PHF14: variants seen among roughly 807,000 people sequenced by gnomAD.
The protein encoded by PHF14 is PHD finger protein 14.
PHF14 carries 55 observed loss-of-function variants against 117.9 expected under a neutral mutation model. The ratio of observed to expected loss-of-function variants is 0.47; its 90% CI spans 0.38 to 0.58. The LOEUF (loss-of-function observed/expected upper bound fraction) is 0.58, where lower values mean the gene tolerates loss of function less well. Ranked by LOEUF, PHF14 falls within the 20% of genes least tolerant of loss-of-function variation. The probability of loss-of-function intolerance (pLI) is 0.00; values close to 1 mark genes in which losing one functional copy is unlikely to be tolerated. For synonymous variants in PHF14, 409 were observed against 368.6 expected (o/e 1.11, Z -1.26); for missense variants, 978 against 1,122.2 (o/e 0.87, Z 1.84).
rs1428369268 is a variant in PHF14, at chr7:11,130,161, G to A, written c.2772+18694G>A. ...TTCAACATATGTGGTCCACAGCATA[G>A]TAGCAGGAAATACCACAAATGTCAC... On this transcript the variant is annotated intron_variant, in intron 17 of 17. Coordinates refer to ENST00000634607, the MANE Select transcript of PHF14 (RefSeq NM_001007157.2). This position sits in a 1 kb window ranked among gnomAD's most constrained non-coding sequence, Gnocchi z 4.2. Among the ~76,000 whole-genome samples, 1 of 152,004 alleles carries A rather than the reference G, an allele frequency of 6.6e-6. No homozygotes were observed. The highest frequency in any genetic ancestry group is 2.4e-5 in the African/African-American group (1 of 41,402).
chr7:11,164,003 A>C (rs547181761), intron 17 of PHF14, among the ~76,000 whole-genome samples: 29 of 152,328 alleles, frequency 1.9e-4, no homozygotes, highest in Non-Finnish European at 3.8e-4. Context: ...ACATTATTAA[A>C]GTATAGAGAT....
rs1466916091 is a variant in PHF14 at position 11,084,500 on chromosome 7, T to G, written c.2654+22415T>G. Among the ~76,000 whole-genome samples, 6 of 151,960 alleles carry G rather than the reference T, an allele frequency of 3.9e-5. No individual in the cohort carries two copies. The East Asian group carries it at 1.2e-3, about 29-fold the overall frequency. ...ATTATAGGGTTTACTCTTGTGTTTT[T>G]TTTTTTTTTTAACTTCACAATGCAT... On this transcript the variant is annotated intron_variant, in intron 16 of 17. Transcript: ENST00000634607.
intron 17 of PHF14, among the ~76,000 whole-genome samples, chr7:11,147,976 A>G (rs1212252163): frequency 2.6e-5 from 4 of 152,186 alleles, no homozygotes; most frequent in African/African-American, 7.2e-5. Context: ...CTTCTCCCAC[A>G]GTCTTTCCTA....
In PHF14 at chr7:11,038,780, A is replaced by G. The variant is rs576568844; in HGVS notation, c.2001A>G (p.Glu667=). The change falls in exon 11 of 18, where the codon GAA becomes GAG. Residue 667 remains glutamate (E), a synonymous_variant. Coordinates refer to ENST00000634607, the MANE Select transcript of PHF14 (RefSeq NM_001007157.2). ...EYNKLCESLE[E]LQNLNGKLRS... ...TGTAGCTATGTGAATCTTTAGAAGA[A>G]CTACAAAACCTGAATGGAAAACTTC... is the stretch of plus-strand genomic sequence containing the variant. 9.5e-6 allele frequency: 15 copies of G among 1,577,874 alleles called. No individual in the cohort carries two copies. The African/African-American group carries it at 1.8e-4, about 18-fold the overall frequency.
At chr7:11,148,754 A>G (rs1035866730) in intron 17 of PHF14, among the ~76,000 whole-genome samples, 5 of 152,234 alleles carry the variant, frequency 3.3e-5, no homozygotes, top group Admixed American at 6.5e-5. Context: ...AATTCTTAAA[A>G]TATAACAACT....
chr7:10,978,741 C>T (rs1402777993), intron 2 of PHF14, among the ~76,000 whole-genome samples: 5 of 152,130 alleles, frequency 3.3e-5, no homozygotes, highest in Admixed American at 2.6e-4. Flanking sequence ...CTGCCCCAGC[C>T]TCACCTCCAC....
At chr7:11,025,264 G>A (rs1562426108) in intron 6 of PHF14, among the ~76,000 whole-genome samples, 1 of 152,140 alleles carries the variant, frequency 6.6e-6, no homozygotes, top group Non-Finnish European at 1.5e-5. Context: ...GTGGTTTCTC[G>A]AGTTGGAATC....
chr7:11,120,993 T>C (rs1052913100), intron 17 of PHF14, among the ~76,000 whole-genome samples: 2 of 152,244 alleles, frequency 1.3e-5, no homozygotes, highest in Admixed American at 6.5e-5. Context: ...AACTGTAAAC[T>C]TGAAACTGAA....
At chr7:10,993,000 G>A (rs1047516796) in intron 4 of PHF14, among the ~76,000 whole-genome samples, 7 of 151,948 alleles carry the variant, frequency 4.6e-5, no homozygotes, top group African/African-American at 7.3e-5. Flanking sequence ...GCTTTTGGCC[G>A]GAATACCACG....
At chr7:10,983,205 ATTC>A (rs1270833368) in intron 3 of PHF14, 46 bp downstream of exon 3, 3 of 1,539,144 alleles carry the variant, frequency 1.9e-6, no homozygotes, top group Non-Finnish European at 2.6e-6. Context: ...GGAAAAGGGA[ATTC>A]TTCTCTAAAT....
intron 4 of PHF14, among the ~76,000 whole-genome samples, chr7:10,995,576 G>A (rs993861611): frequency 1.3e-5 from 2 of 152,172 alleles, no homozygotes; most frequent in Non-Finnish European, 2.9e-5. Flanking sequence ...TTGGGTGGTC[G>A]ATGGGACCGC....
intron 5 of PHF14, among the ~76,000 whole-genome samples, chr7:11,014,222 G>C (rs757199975): frequency 6.6e-6 from 1 of 151,986 alleles, no homozygotes; most frequent in Non-Finnish European, 1.5e-5. Context: ...TAACTTATTC[G>C]TTCAAGACCA....
intron 17 of PHF14, among the ~76,000 whole-genome samples, chr7:11,158,037 G>T (rs938869633): frequency 2.0e-5 from 3 of 151,894 alleles, no homozygotes; most frequent in Admixed American, 2.0e-4. Context: ...TTCTCTTTAG[G>T]TTAACATCTT....
chr7:11,000,180 TA>T (rs1156665487), intron 4 of PHF14, among the ~76,000 whole-genome samples: 2 of 152,158 alleles, frequency 1.3e-5, no homozygotes, highest in East Asian at 1.9e-4. Context: ...CGTTTTGACT[TA>T]AAAAATTACG....
intron 16 of PHF14, among the ~76,000 whole-genome samples, chr7:11,082,886 T>G (rs994682057): frequency 6.6e-6 from 1 of 152,124 alleles, no homozygotes; most frequent in African/African-American, 2.4e-5. Flanking sequence ...ACCCCTCCCC[T>G]TCCCTTTTCT....
At chr7:11,042,267 T>A (rs895877116) in intron 12 of PHF14, among the ~76,000 whole-genome samples, 11 of 151,966 alleles carry the variant, frequency 7.2e-5, no homozygotes, top group Admixed American at 2.0e-4. Context: ...ACCTTCTGTT[T>A]GTGAAGTAAT....
chr7:11,023,073 T>C (rs1783789021), intron 6 of PHF14, 94 bp downstream of exon 6: 2 of 585,310 alleles, frequency 3.4e-6, no homozygotes, highest in East Asian at 6.0e-5. Flanking sequence ...ACTGCAGAAA[T>C]GCTTACTAGG....
intron 16 of PHF14, chr7:11,105,533 A>C: frequency 1.0e-6 from 1 of 978,316 alleles, no homozygotes; most frequent in Non-Finnish European, 1.2e-6. Context: ...TAAATTTTTA[A>C]AAAAATTTAA....
intron 4 of PHF14, among the ~76,000 whole-genome samples, chr7:11,007,322 A>C (rs943618540): frequency 2.0e-4 from 30 of 151,972 alleles, no homozygotes; most frequent in African/African-American, 7.3e-4. Flanking sequence ...CATCCTTGCA[A>C]ATGTTTTTTA....
Sources: allele counts gnomAD v4.1 joint callset (sites outside exome capture counted in the v4.1 genomes callset), GRCh38; gene constraint gnomAD v4.1.1; non-coding constraint Gnocchi (gnomAD v3.1); transcripts MANE v1.5; gene names NCBI Gene and HGNC (gene_info 2026-07-23, HGNC 2026-07-21).